Variants in KHDC4 observed in about 807,000 individuals in gnomAD.
The protein encoded by KHDC4 is KH homology domain-containing protein 4.
A neutral mutation model predicts 74.5 loss-of-function variants in KHDC4; 19 were observed. That is an observed-to-expected ratio of 0.26 (90% CI 0.18 to 0.37). The LOEUF (loss-of-function observed/expected upper bound fraction) is 0.37. Among genes scored for constraint, KHDC4 ranks in the 10% least tolerant of loss-of-function variants. KHDC4 has a pLI of 1.00. For synonymous variants in KHDC4, 253 were observed against 266.1 expected (o/e 0.95, Z 0.48); for missense variants, 632 against 754.1 (o/e 0.84, Z 1.90).
intron 10 of KHDC4, among the ~76,000 whole-genome samples, chr1:155,920,393 C>A (rs190626973): frequency 6.6e-6 from 1 of 151,760 alleles, no homozygotes; most frequent in Non-Finnish European, 1.5e-5. Context: ...AGCTGAGATG[C>A]GCCACTGCAC....
rs2102604469 is a variant in KHDC4 at position 155,925,814 on chromosome 1, C to T, written c.711G>A (p.Val237=). The T allele has an allele frequency of 6.2e-7, 1 of 1,613,688 alleles. No individual in the cohort carries two copies. The highest frequency in any genetic ancestry group is 8.5e-7 in the Non-Finnish European group (1 of 1,179,628). ...GMHYVQDKLF[V]GLEHAVPTFN... ...AAGTGGGTACAGCATGTTCTAGACCCACAAATAATTTATCTTGAACATAAT... is the reference window on the plus strand; with the variant it reads ...AAGTGGGTACAGCATGTTCTAGACCTACAAATAATTTATCTTGAACATAAT... Residue 237 remains valine (V), a synonymous_variant, in exon 7 of 14, where the codon GTG becomes GTA. Coordinates refer to ENST00000368321, the MANE Select transcript of KHDC4 (RefSeq NM_014949.4).
In KHDC4 at chr1:155,925,644, T is replaced by C; in HGVS notation, c.881A>G (p.Tyr294Cys). The change falls in exon 7 of 14, where the codon TAT (tyrosine) becomes TGT (cysteine). Residue 294 changes from tyrosine (Y) to cysteine (C), a missense_variant. Tyr to Cys is a radical substitution (Grantham distance 194). This residue lies in a region of KHDC4 where 233 missense variants were observed against 342.6 expected (regional missense o/e 0.68). Coordinates refer to ENST00000368321, the MANE Select transcript of KHDC4 (RefSeq NM_014949.4). The part of the protein sequence containing the change: ...ASGREAFEPM[Y>C]IYISHPKPEG... ...TATCCATCCATACCTGATGTAAATA[T>C]ACATAGGTTCAAAAGCTTCTCGGCC... The C allele has an allele frequency of 1.2e-6, 2 of 1,614,048 alleles. No individual in the cohort carries two copies. The highest frequency in any genetic ancestry group is 1.7e-6 in the Non-Finnish European group (2 of 1,179,920).
chr1:155,921,027 G>A (rs1258218471), intron 10 of KHDC4, among the ~76,000 whole-genome samples: 1 of 152,088 alleles, frequency 6.6e-6, no homozygotes, highest in Admixed American at 6.6e-5. Context: ...ATTATCCACG[G>A]GCTGCTTCTG....
intron 6 of KHDC4, chr1:155,926,233 T>A (rs1372805451): frequency 2.6e-6 from 1 of 386,076 alleles, no homozygotes; most frequent in Admixed American, 3.7e-5. Flanking sequence ...GAGAGCTGGA[T>A]AACACACAAA....
At chr1:155,914,544 AAG>A (rs1010659971) in intron 13 of KHDC4, 13 of 437,852 alleles carry the variant, frequency 3.0e-5, no homozygotes, top group Admixed American at 2.0e-4. Context: ...AAAACAGAGA[AAG>A]AAAAAAGAAA....
chr1:155,915,800 C>A (rs747127718), intron 13 of KHDC4, 73 bp downstream of exon 13: 2 of 997,202 alleles, frequency 2.0e-6, no homozygotes, highest in Non-Finnish European at 3.0e-6. Flanking sequence ...AGCCACTGCG[C>A]CCGGCTGAGA....
At chr1:155,932,526 T>C (rs563460116) in intron 2 of KHDC4, 2 of 152,158 alleles carry the variant, frequency 1.3e-5, no homozygotes, top group South Asian at 2.1e-4. Flanking sequence ...CTAAAGATTA[T>C]TATTTTAAGA....
At position 155,925,832 on chromosome 1, in the gene KHDC4, A is replaced by G; in HGVS notation, c.693T>C (p.Val231=). 2 of 1,609,704 alleles carry G rather than the reference A, an allele frequency of 1.2e-6. No homozygotes were observed. Among genetic ancestry groups the G allele is most frequent in the Non-Finnish European group, 8.5e-7 (1 of 1,175,972 alleles). Residue 231 remains valine (V), a synonymous_variant, in exon 7 of 14, where the codon GTT becomes GTC. Transcript: ENST00000368321. ...KPPFQSGMHY[V]QDKLFVGLEH... is the part of the protein sequence containing the mutation. ...CTAGACCCACAAATAATTTATCTTGAACATAATGCATCTGTAGGAAGAACA... is the reference window on the plus strand; with the variant it reads ...CTAGACCCACAAATAATTTATCTTGGACATAATGCATCTGTAGGAAGAACA...
Position 155,923,500 on chromosome 1 carries a change from T to C in KHDC4, c.954+127A>G, listed in dbSNP as rs924740591. Reference sequence around the variant, plus strand: ...GTGATAGAATAAATTTGTGTTATTTTAAGCCACCCAACTGCCATAACTTGT... The same window carrying C: ...GTGATAGAATAAATTTGTGTTATTTCAAGCCACCCAACTGCCATAACTTGT... On this transcript the variant is annotated intron_variant, in intron 8 of 13. Coordinates refer to ENST00000368321, the MANE Select transcript of KHDC4 (RefSeq NM_014949.4). 3 of 692,232 alleles carry C rather than the reference T, an allele frequency of 4.3e-6. No individual in the cohort carries two copies. In the African/African-American group the frequency reaches 5.4e-5, roughly 12 times the overall value. 42.9% of individuals were successfully genotyped at this position (692,232 alleles called of 1,614,324 possible).
intron 7 of KHDC4, 21 bp from the exon 8 acceptor site, chr1:155,923,708 A>G: frequency 6.3e-7 from 1 of 1,587,642 alleles, no homozygotes; most frequent in South Asian, 1.1e-5. Context: ...ATAACCAGGA[A>G]TTCAAAGGAG....
At chr1:155,927,873 C>T (rs1467353579) in intron 4 of KHDC4, among the ~76,000 whole-genome samples, 1 of 49,220 alleles carries the variant, frequency 2.0e-5, no homozygotes, top group South Asian at 8.1e-4. Flanking sequence ...CACACACACA[C>T]AAAATTAATG....
chr1:155,933,571 A>T, intron 2 of KHDC4, 62 bp downstream of exon 2: 1 of 1,378,702 alleles, frequency 7.3e-7, no homozygotes, highest in Non-Finnish European at 1.0e-6. Context: ...GGCGTAAGCC[A>T]CCGCGCCCGG....
intron 2 of KHDC4, chr1:155,932,263 T>C (rs901183418): frequency 5.3e-5 from 8 of 152,090 alleles, no homozygotes; most frequent in African/African-American, 1.9e-4. Flanking sequence ...CAAGAAGAAT[T>C]ACAGAGGAGC....
rs756153874 is a variant in KHDC4, at chr1:155,917,485, G to A, written c.1440+14C>T. 3 of 1,577,940 alleles carry A rather than the reference G, an allele frequency of 1.9e-6. No individual in the cohort carries two copies. Among genetic ancestry groups the A allele is most frequent in the Non-Finnish European group, 1.7e-6 (2 of 1,152,760 alleles). ...AATAAGGTGAAGATAGGAAAACAGG[G>A]TATTTTATTTAACCTGGTATCCAAG... On this transcript the variant is annotated intron_variant, in intron 11 of 13. Transcript: ENST00000368321.
intron 4 of KHDC4, among the ~76,000 whole-genome samples, chr1:155,927,945 A>ATTCTAAAT (rs984148083): frequency 6.6e-6 from 1 of 151,594 alleles, no homozygotes; most frequent in African/African-American, 2.4e-5. Context: ...GATAATTTAG[A>ATTCTAAAT]TTCTAAATGT....
chr1:155,923,899 C>G (rs781657232), intron 7 of KHDC4, among the ~76,000 whole-genome samples: 1 of 152,148 alleles, frequency 6.6e-6, no homozygotes, highest in Non-Finnish European at 1.5e-5. Context: ...ATTAGTCTTT[C>G]TCTGAGTAAT....
At position 155,921,927 on chromosome 1, in the gene KHDC4, G is replaced by C. The variant is rs1673872908; in HGVS notation, c.955-9C>G. 1 of 1,595,250 alleles carries C rather than the reference G, an allele frequency of 6.3e-7. No individual in the cohort carries two copies. Among genetic ancestry groups the C allele is most frequent in the Non-Finnish European group, 8.6e-7 (1 of 1,164,258 alleles). ...GAGTATTCAGCATGAACCTGAAAGA[G>C]AGGGGGAAACAAATTAACATGGGAC... On this transcript the variant is annotated splice_polypyrimidine_tract_variant and intron_variant, in intron 8 of 13. Transcript: ENST00000368321.
chr1:155,925,565 G>C (rs1387946401), intron 7 of KHDC4, 67 bp downstream of exon 7: 8 of 1,278,432 alleles, frequency 6.3e-6, no homozygotes, highest in Non-Finnish European at 8.0e-6. Context: ...TGCTCCTTCT[G>C]AATCACTCCT....
rs1673668948 is a variant in KHDC4, at chr1:155,913,362, G to A, written c.*759C>T. ...TTTAGCTGCAACCAGTTCTGGGAGA[G>A]AGAGACCACTGTATTTCATTTCTGT... is the stretch of plus-strand genomic sequence containing the variant. On this transcript the variant is annotated 3_prime_UTR_variant, in exon 14 of 14. Coordinates refer to ENST00000368321, the MANE Select transcript of KHDC4 (RefSeq NM_014949.4). 6.6e-6 allele frequency: 1 copy of A among 152,368 alleles called. No individual in the cohort carries two copies. Among genetic ancestry groups the A allele is most frequent in the African/African-American group, 2.4e-5 (1 of 41,452 alleles). 9.4% of individuals were successfully genotyped at this position (152,368 alleles called of 1,614,324 possible).
Sources: allele counts gnomAD v4.1 joint callset (sites outside exome capture counted in the v4.1 genomes callset), GRCh38; gene constraint gnomAD v4.1.1; regional missense constraint gnomAD v4.1.1; transcripts MANE v1.5; gene names NCBI Gene and HGNC (gene_info 2026-07-23, HGNC 2026-07-21).